The following MYBPH variants were observed in gnomAD, a reference collection of about 807,000 sequenced individuals.
The protein encoded by MYBPH is myosin binding protein H.
In MYBPH, 49 loss-of-function variants were observed where a neutral mutation model predicts 53.6. The observed-to-expected ratio is 0.91, with a 90% CI of 0.73 to 1.16. The LOEUF (loss-of-function observed/expected upper bound fraction) is 1.16. Among genes scored for constraint, MYBPH ranks in the 50% most tolerant of loss-of-function variants. MYBPH has a pLI of 0.00. For missense variants in MYBPH, 558 were observed against 624.1 expected, an observed-to-expected ratio of 0.89 and a Z score of 1.13; for synonymous variants, 239 against 249.6, an observed-to-expected ratio of 0.96 and a Z score of 0.40.
chr1:203,173,196 C>A (rs1655733880), intron 3 of MYBPH, among the ~76,000 whole-genome samples: 1 of 152,212 alleles, frequency 6.6e-6, no homozygotes, highest in African/African-American at 2.4e-5. Context: ...CAATGCTGGG[C>A]CTCAGGGGCC....
intron 7 of MYBPH, 122 bp downstream of exon 7, chr1:203,170,169 A>G (rs2102188414): frequency 2.5e-6 from 3 of 1,217,034 alleles, no homozygotes; most frequent in South Asian, 1.5e-5. Flanking sequence ...TGGAGTGAGG[A>G]GACGGCAAGT....
Position 203,171,520 on chromosome 1 carries a change from C to A in MYBPH, c.656G>T (p.Arg219Leu). 6.2e-7 allele frequency: 1 copy of A among 1,613,736 alleles called. No individual in the cohort carries two copies. Among genetic ancestry groups the A allele is most frequent in the Non-Finnish European group, 8.5e-7 (1 of 1,179,968 alleles). ...THNGHALDSQ[R>L]VSMRTGDQDS... Reference sequence around the variant, plus strand: ...CTGGTCCCCGGTGCGCATGCTCACCCGCTGGCTGTCCAGGGCATGGCCGTT... The same window carrying A: ...CTGGTCCCCGGTGCGCATGCTCACCAGCTGGCTGTCCAGGGCATGGCCGTT... Residue 219 changes from arginine to leucine, a missense_variant, in exon 5 of 11, where the codon CGG (arginine) becomes CTG (leucine). Transcript: ENST00000255416. The surrounding 1 kb of genome is among the most constrained non-coding windows in gnomAD (Gnocchi z 4.2).
At chr1:203,178,480 G>C (rs1358076701), upstream of MYBPH, among the ~76,000 whole-genome samples, 1 of 152,178 alleles carries the variant, frequency 6.6e-6, no homozygotes, top group African/African-American at 2.4e-5. Context: ...GGCAGGAAGG[G>C]TGCATGAGAT....
chr1:203,175,328 T>C lies in MYBPH; in HGVS notation c.339A>G (p.Gly113=). 6.6e-7 allele frequency: 1 copy of C among 1,518,904 alleles called. No homozygotes were observed. Among genetic ancestry groups the C allele is most frequent in the Non-Finnish European group, 8.8e-7 (1 of 1,135,746 alleles). The allele number at this position is 1,518,904 out of a possible 1,614,324, so 94.1% of individuals were successfully genotyped here. Residue 113 remains glycine (G), a splice_region_variant and synonymous_variant, in exon 2 of 11, where the codon GGA becomes GGG. Coordinates refer to ENST00000255416, the MANE Select transcript of MYBPH (RefSeq NM_004997.3). ...QGYVLELCRE[G]ASEWVPVSAR... ...TGCAAGACTTAGCCCAGCACTCACC[T>C]CCCTCTCTGCAGAGCTCCAGCACAT...
chr1:203,173,671 C>A (rs1266579677), intron 3 of MYBPH, among the ~76,000 whole-genome samples: 6 of 152,230 alleles, frequency 3.9e-5, no homozygotes, highest in Non-Finnish European at 7.3e-5. Context: ...AATCATCCAT[C>A]CCCTAGTGGA....
In MYBPH at chr1:203,175,725, C is replaced by T. The variant is rs1364428159; in HGVS notation, c.31G>A (p.Ala11Thr). The change falls in exon 1 of 11, where the codon GCC (alanine) becomes ACC (threonine). Residue 11 changes from alanine (A) to threonine (T), a missense_variant. Ala to Thr is a moderately conservative substitution (Grantham distance 58). Coordinates refer to ENST00000255416, the MANE Select transcript of MYBPH (RefSeq NM_004997.3). MMEKNTSEGP[A>T]CSPEETASES... is the part of the protein sequence containing the mutation. The stretch of plus-strand genomic sequence containing the variant: ...GATGCGGTCTCCTCTGGACTGCAGG[C>T]AGGGCCCTCGGAGGTGTTTTTTTCC... The T allele has an allele frequency of 6.2e-7, 1 of 1,613,930 alleles. No homozygotes were observed.
Position 203,168,621 on chromosome 1 carries a change from A to T in MYBPH, c.*32+6T>A. The T allele has an allele frequency of 6.5e-7, 1 of 1,549,156 alleles. No individual in the cohort carries two copies. The highest frequency in any genetic ancestry group is 2.0e-5 in the Admixed American group (1 of 50,612). ...GGTAACAGAGTGGGTGGGTCAGGCC[A>T]TTTACCTGGCTCCTCATCACAGCCT... On this transcript the variant is annotated splice_donor_region_variant and intron_variant, in intron 10 of 10. Transcript: ENST00000255416.
At chr1:203,177,008 G>A (rs1269799172), upstream of MYBPH, among the ~76,000 whole-genome samples, 1 of 152,202 alleles carries the variant, frequency 6.6e-6, no homozygotes, top group African/African-American at 2.4e-5. Context: ...TTATGCAACT[G>A]TAAAGCAAAA....
Position 203,168,684 on chromosome 1 carries a change from G to C in MYBPH, c.1418-9C>G, listed in dbSNP as rs762508978. 8.9e-6 allele frequency: 14 copies of C among 1,569,704 alleles called. No individual in the cohort carries two copies. Among genetic ancestry groups the C allele is most frequent in the Non-Finnish European group, 1.0e-5 (12 of 1,157,044 alleles). ...TCAGTGTGCGGCTGAGGCTGGAAGA[G>C]ATGCTGCAGTTAGAGCTTGGGGGAA... is the stretch of plus-strand genomic sequence containing the variant. On this transcript the variant is annotated splice_polypyrimidine_tract_variant and intron_variant, in intron 9 of 10. Transcript: ENST00000255416.
Position 203,170,376 on chromosome 1 carries a change from G to T in MYBPH, c.1008C>A (p.Tyr336Ter). Residue 336 changes from tyrosine to a stop codon, truncating the protein, a stop_gained, in exon 7 of 11, where the codon TAC becomes TAA. Coordinates refer to ENST00000255416, the MANE Select transcript of MYBPH (RefSeq NM_004997.3). LOFTEE classifies it high-confidence loss of function. ...GGTTTTCTGAGAAGACCCGGAAGGA[G>T]TACGAGTTGCCGATGATGAGGTCAG... ...TISDLIIGNS[Y>*]SFRVFSENLC... The T allele has an allele frequency of 6.2e-7, 1 of 1,614,248 alleles. No homozygotes were observed. Among genetic ancestry groups the T allele is most frequent in the Non-Finnish European group, 8.5e-7 (1 of 1,180,034 alleles).
In MYBPH at chr1:203,171,700, G is replaced by T; in HGVS notation, c.598-122C>A. 2 of 1,079,154 alleles carry T rather than the reference G, an allele frequency of 1.9e-6. No homozygotes were observed. The highest frequency in any genetic ancestry group is 2.6e-6 in the Non-Finnish European group (2 of 775,500). 66.8% of individuals were successfully genotyped at this position (1,079,154 alleles called of 1,614,324 possible). A position where few individuals can be genotyped will look rare whatever the true frequency, so the allele number is the denominator to read the frequency against. On this transcript the variant is annotated intron_variant, in intron 4 of 10. Coordinates refer to ENST00000255416, the MANE Select transcript of MYBPH (RefSeq NM_004997.3). This position sits in a 1 kb window ranked among gnomAD's most constrained non-coding sequence, Gnocchi z 4.2. ...CTGTCCCACTGGCCCTTCTCAGGAG[G>T]GGCAGCAGAGGCTGGAGCCACAGGT...
chr1:203,170,389 A>G lies in MYBPH; in HGVS notation c.995T>C (p.Ile332Thr), dbSNP rs1318437177. 12 of 1,614,066 alleles carry G rather than the reference A, an allele frequency of 7.4e-6. No homozygotes were observed. The highest frequency in any genetic ancestry group is 1.0e-5 in the Non-Finnish European group (12 of 1,180,034). ...GACCCGGAAGGAGTACGAGTTGCCG[A>G]TGATGAGGTCAGAGATGGTGCAGGT... Reference protein sequence around the residue: ...PTTCTISDLIIGNSYSFRVFS... With the variant: ...PTTCTISDLITGNSYSFRVFS... Residue 332 changes from isoleucine (I) to threonine (T), a missense_variant, in exon 7 of 11, where the codon ATC (isoleucine) becomes ACC (threonine). By Grantham distance (89) the Ile-to-Thr change is moderately conservative. Coordinates refer to ENST00000255416, the MANE Select transcript of MYBPH (RefSeq NM_004997.3).
rs1299105564 is a variant in MYBPH at position 203,171,326 on chromosome 1, A to G, written c.793+57T>C. 2.5e-6 allele frequency: 4 copies of G among 1,575,202 alleles called. No homozygotes were observed. Among genetic ancestry groups the G allele is most frequent in the Non-Finnish European group, 3.5e-6 (4 of 1,157,512 alleles). ...TCCCATCAGCCATCAGCTCTGGGAT[A>G]GGAGGTTGGGGGCTCCAGGTCCCCC... On this transcript the variant is annotated intron_variant, in intron 5 of 10. Transcript: ENST00000255416. This position sits in a 1 kb window ranked among gnomAD's most constrained non-coding sequence, Gnocchi z 4.2.
chr1:203,173,001 G>A (rs573593148), intron 3 of MYBPH, among the ~76,000 whole-genome samples: 2 of 152,330 alleles, frequency 1.3e-5, no homozygotes, highest in East Asian at 3.9e-4. Flanking sequence ...GCAGCTCCAG[G>A]TGGCCAAGGA....
At chr1:203,170,536 C>T (rs548522695) in intron 6 of MYBPH, 86 bp from the exon 7 acceptor site, 9 of 1,506,894 alleles carry the variant, frequency 6.0e-6, no homozygotes, top group African/African-American at 1.4e-5. Flanking sequence ...CACAGGAACT[C>T]ATTCCATGCC....
In MYBPH at chr1:203,170,195, G is replaced by C. The variant is rs546125847; in HGVS notation, c.1093+96C>G. The C allele has an allele frequency of 8.1e-6, 12 of 1,475,110 alleles. No individual in the cohort carries two copies. In the African/African-American group the frequency reaches 1.4e-4, roughly 17 times the overall value. The allele number at this position is 1,475,110 out of a possible 1,614,324, so 91.4% of individuals were successfully genotyped here. ...GACGGCAAGTGTTCCAGGGGCAGAC[G>C]CCCAGGAGAAACCCAGAGAGAGGGG... On this transcript the variant is annotated intron_variant, in intron 7 of 10. Transcript: ENST00000255416.
At position 203,171,727 on chromosome 1, in the gene MYBPH, C is replaced by T; in HGVS notation, c.598-149G>A. The T allele has an allele frequency of 1.1e-6, 1 of 923,252 alleles. No homozygotes were observed. The highest frequency in any genetic ancestry group is 1.6e-6 in the Non-Finnish European group (1 of 634,248). 57.2% of individuals were successfully genotyped at this position (923,252 alleles called of 1,614,324 possible). A position where few individuals can be genotyped will look rare whatever the true frequency, so the allele number is the denominator to read the frequency against. On this transcript the variant is annotated intron_variant, in intron 4 of 10. Transcript: ENST00000255416. The surrounding 1 kb of genome is among the most constrained non-coding windows in gnomAD (Gnocchi z 4.2). ...GCAGCAGAGGCTGGAGCCACAGGTG[C>T]TGCCCACAGCCACATCTTCCAGGTG...
chr1:203,175,446 G>A lies in MYBPH; in HGVS notation c.221C>T (p.Pro74Leu), dbSNP rs1325036067. 1 of 1,578,746 alleles carries A rather than the reference G, an allele frequency of 6.3e-7. No homozygotes were observed. The highest frequency in any genetic ancestry group is 2.2e-5 in the East Asian group (1 of 44,456). The change falls in exon 2 of 11, where the codon CCA (proline) becomes CTA (leucine). Residue 74 changes from proline (P) to leucine (L), a missense_variant. Coordinates refer to ENST00000255416, the MANE Select transcript of MYBPH (RefSeq NM_004997.3). ...CACATCATCCAGGGTCAGCAGCAGT[G>A]GGGCACTGGGGACATCTGGGGAGAT... ...APPSEDVPSA[P>L]LLLTLDDVSS...
Position 203,171,214 on chromosome 1 carries a change from G to T in MYBPH, c.794-14C>A. 1 of 1,576,936 alleles carries T rather than the reference G, an allele frequency of 6.3e-7. No homozygotes were observed. Among genetic ancestry groups the T allele is most frequent in the Non-Finnish European group, 8.6e-7 (1 of 1,162,564 alleles). Reference sequence around the variant, plus strand: ...GTCCAGGTTTCTCTGTAGGCCCAGAGTGTGAGAGGAAGTGAGTGTGAGGGC... The same window carrying T: ...GTCCAGGTTTCTCTGTAGGCCCAGATTGTGAGAGGAAGTGAGTGTGAGGGC... On this transcript the variant is annotated splice_polypyrimidine_tract_variant and intron_variant, in intron 5 of 10. Transcript: ENST00000255416. This position sits in a 1 kb window ranked among gnomAD's most constrained non-coding sequence, Gnocchi z 4.2.
Sources: allele counts gnomAD v4.1 joint callset (sites outside exome capture counted in the v4.1 genomes callset), GRCh38; gene constraint gnomAD v4.1.1; non-coding constraint Gnocchi (gnomAD v3.1); transcripts MANE v1.5; gene names NCBI Gene and HGNC (gene_info 2026-07-23, HGNC 2026-07-21).